Variants in TNS3 observed in about 807,000 individuals in gnomAD.
TNS3 encodes tensin-3.
A neutral mutation model predicts 140.9 loss-of-function variants in TNS3; 45 were observed. The ratio of observed to expected loss-of-function variants is 0.32; its 90% CI spans 0.25 to 0.41. The LOEUF (loss-of-function observed/expected upper bound fraction) is 0.41. Ranked by LOEUF, TNS3 falls within the 10% of genes least tolerant of loss-of-function variation. The pLI, the probability that TNS3 is intolerant of heterozygous loss-of-function variation, is 1.00. For missense variants in TNS3, 1,716 were observed against 1,906.7 expected (o/e 0.90, Z 1.86); for synonymous variants, 815 against 788.4 (o/e 1.03, Z -0.56).
chr7:47,305,144 T>C (rs1164609807), intron 20 of TNS3, 141 bp from the exon 21 acceptor site: 4 of 588,126 alleles, frequency 6.8e-6, no homozygotes, highest in Non-Finnish European at 1.0e-5. Flanking sequence ...GAACATGACA[T>C]CACTACCCGT....
At chr7:47,340,504 A>G (rs990279991) in intron 20 of TNS3, among the ~76,000 whole-genome samples, 12 of 151,958 alleles carry the variant, frequency 7.9e-5, no homozygotes, top group African/African-American at 2.9e-4. Flanking sequence ...TCGAACTAGA[A>G]TCCTGCAAAG....
intron 20 of TNS3, among the ~76,000 whole-genome samples, chr7:47,331,298 C>T (rs545438388): frequency 7.2e-5 from 11 of 152,282 alleles, no homozygotes; most frequent in African/African-American, 2.6e-4. Flanking sequence ...AGATCCTCAG[C>T]TTTATTCGAA....
Position 47,346,336 on chromosome 7 carries a change from G to A in TNS3, c.2302C>T (p.Leu768=). 6.2e-7 allele frequency: 1 copy of A among 1,614,186 alleles called. No homozygotes were observed. Among genetic ancestry groups the A allele is most frequent in the Non-Finnish European group, 8.5e-7 (1 of 1,180,022 alleles). ...GRQGSSAEQP[L]GGRLRKLSLG... Reference sequence around the variant, plus strand: ...CTCAGCTTCCTGAGTCTCCCGCCCAGGGGCTGTTCAGCAGAGGAGCCTGTT... The same window carrying A: ...CTCAGCTTCCTGAGTCTCCCGCCCAAGGGCTGTTCAGCAGAGGAGCCTGTT... Residue 768 remains leucine, a synonymous_variant, in exon 18 of 31, where the codon CTG becomes TTG. Transcript: ENST00000311160.
intron 20 of TNS3, among the ~76,000 whole-genome samples, chr7:47,312,149 AC>A (rs1373479885): frequency 1.2e-4 from 18 of 152,208 alleles, no homozygotes; most frequent in Non-Finnish European, 2.1e-4. Flanking sequence ...ATACATGTGC[AC>A]GTTTTCTGCT....
At chr7:47,301,588 T>G (rs914560134) in intron 23 of TNS3, among the ~76,000 whole-genome samples, 1 of 149,396 alleles carries the variant, frequency 6.7e-6, no homozygotes, top group East Asian at 2.0e-4. Context: ...CTCAAAATAT[T>G]CAAATATTCA....
rs1352660784 is a variant in TNS3 at position 47,565,584 on chromosome 7, C to T, written c.-265+16467G>A. 2.0e-5 allele frequency among the ~76,000 whole-genome samples: 3 copies of T among 152,226 alleles called. No homozygotes were observed. The East Asian group carries it at 5.8e-4, about 29-fold the overall frequency. The stretch of plus-strand genomic sequence containing the variant: ...GTTTCACCATGCTGGCCAGGCTTGT[C>T]TCGAACTCCTGACCTCGGGTGATCA... On this transcript the variant is annotated intron_variant, in intron 1 of 30. Transcript: ENST00000311160.
chr7:47,525,093 T>C (rs968382385), intron 2 of TNS3, among the ~76,000 whole-genome samples: 3 of 152,158 alleles, frequency 2.0e-5, no homozygotes, highest in Non-Finnish European at 2.9e-5. Context: ...TAGAGGAGCA[T>C]TAGCCAAACA....
At chr7:47,323,561 T>C (rs75955455) in intron 20 of TNS3, among the ~76,000 whole-genome samples, 4 of 152,342 alleles carry the variant, frequency 2.6e-5, no homozygotes, top group African/African-American at 9.6e-5. Context: ...AGGGTAAATA[T>C]AACAGTCCAT....
intron 1 of TNS3, among the ~76,000 whole-genome samples, chr7:47,558,527 A>C (rs548978237): frequency 6.6e-6 from 1 of 152,206 alleles, no homozygotes; most frequent in South Asian, 2.1e-4. Context: ...ACCTGCAGGG[A>C]CCAAGAAAGG....
chr7:47,545,480 A>G (rs536658565), intron 1 of TNS3, among the ~76,000 whole-genome samples: 2 of 152,258 alleles, frequency 1.3e-5, no homozygotes, highest in South Asian at 4.1e-4. Flanking sequence ...CAAGGCGCCC[A>G]AGGCTCTAGG....
chr7:47,347,525 G>A (rs1388229541), intron 17 of TNS3, among the ~76,000 whole-genome samples: 3 of 151,894 alleles, frequency 2.0e-5, no homozygotes, highest in Non-Finnish European at 4.4e-5. Context: ...CAGCATGGGG[G>A]GGCTCCACTG....
chr7:47,482,866 GA>G (rs1416912689), intron 3 of TNS3, among the ~76,000 whole-genome samples: 1 of 152,208 alleles, frequency 6.6e-6, no homozygotes, highest in African/African-American at 2.4e-5. Flanking sequence ...TGACATTCTG[GA>G]AAAGGCAAAA....
chr7:47,459,134 T>G (rs757161317), intron 4 of TNS3, among the ~76,000 whole-genome samples: 1 of 152,248 alleles, frequency 6.6e-6, no homozygotes, highest in Admixed American at 6.5e-5. Context: ...TTTAACAGCA[T>G]GTTTTTTGGT....
At chr7:47,370,847 C>T (rs1490280988) in intron 16 of TNS3, among the ~76,000 whole-genome samples, 3 of 152,250 alleles carry the variant, frequency 2.0e-5, no homozygotes, top group Non-Finnish European at 4.4e-5. Context: ...CCCAGGAGCC[C>T]TCTGGAGGGA....
At chr7:47,515,336 T>C (rs1321888248) in intron 2 of TNS3, among the ~76,000 whole-genome samples, 2 of 152,152 alleles carry the variant, frequency 1.3e-5, no homozygotes, top group Non-Finnish European at 2.9e-5. Context: ...TCACCATCAG[T>C]ATCATCACGA....
At chr7:47,365,444 C>CAA (rs764220415) in intron 17 of TNS3, among the ~76,000 whole-genome samples, 1,805 of 117,192 alleles carry the variant, frequency 0.015, 35 homozygotes, top group African/African-American at 0.05. Flanking sequence ...GACTCCATCT[C>CAA]AAAAAAAAAA....
intron 4 of TNS3, among the ~76,000 whole-genome samples, chr7:47,460,739 G>C (rs1280426078): frequency 1.3e-5 from 2 of 152,234 alleles, no homozygotes; most frequent in African/African-American, 4.8e-5. Flanking sequence ...AGAGGCAGTG[G>C]GGAAAACAAT....
intron 3 of TNS3, among the ~76,000 whole-genome samples, chr7:47,506,704 T>C (rs1798428964): frequency 1.3e-5 from 2 of 152,130 alleles, no homozygotes; most frequent in African/African-American, 4.8e-5. Context: ...TTCTTAAGAA[T>C]TATTTTCCAT....
chr7:47,536,648 G>A (rs1246718070), intron 1 of TNS3, among the ~76,000 whole-genome samples: 1 of 152,182 alleles, frequency 6.6e-6, no homozygotes, highest in Admixed American at 6.5e-5. Flanking sequence ...AAAGAGCTAA[G>A]CCTGAACCCT....
Sources: allele counts gnomAD v4.1 joint callset (sites outside exome capture counted in the v4.1 genomes callset), GRCh38; gene constraint gnomAD v4.1.1; transcripts MANE v1.5; gene names NCBI Gene and HGNC (gene_info 2026-07-23, HGNC 2026-07-21).